Variants in ANO3 observed in about 807,000 individuals in gnomAD.
The protein encoded by ANO3 is anoctamin 3, also known as anoctamin-3.
A neutral mutation model predicts 144.8 loss-of-function variants in ANO3; 99 were observed. That is an observed-to-expected ratio of 0.68 (90% CI 0.58 to 0.81). The LOEUF is 0.81. Among genes scored for constraint, ANO3 ranks in the 30% least tolerant of loss-of-function variants. The pLI is 0.00. For synonymous variants in ANO3, 414 were observed against 392.6 expected (o/e 1.05, Z -0.64); for missense variants, 905 against 1,202.2 (o/e 0.75, Z 3.66).
Position 26,624,491 on chromosome 11 carries a change from C to T in ANO3, c.1866C>T (p.Thr622=). The part of the protein sequence containing the change: ...LAYEKIAYLL[T]NLEYPRTESE... ...ATGAAAAAATTGCTTACCTCCTCAC[C>T]AATTTAGGTAAGTCCATTTTTCTTA... Residue 622 remains threonine (T), a synonymous_variant, in exon 18 of 27, where the codon ACC becomes ACT. Transcript: ENST00000256737. 1.9e-6 allele frequency: 3 copies of T among 1,604,042 alleles called. No individual in the cohort carries two copies. Among genetic ancestry groups the T allele is most frequent in the Non-Finnish European group, 2.6e-6 (3 of 1,171,816 alleles).
At chr11:26,523,115 A>G (rs2134163389) in intron 6 of ANO3, among the ~76,000 whole-genome samples, 1 of 152,312 alleles carries the variant, frequency 6.6e-6, no homozygotes, top group South Asian at 2.1e-4. Flanking sequence ...GTAGAGAAGA[A>G]ATGAAGAAGG....
chr11:26,258,784 T>C (rs1325539584), intron 1 of ANO3, among the ~76,000 whole-genome samples: 1 of 152,202 alleles, frequency 6.6e-6, no homozygotes, highest in African/African-American at 2.4e-5. Flanking sequence ...CTAAAATTAA[T>C]GTCCAAAGAA....
chr11:26,298,598 T>G (rs547679886), intron 1 of ANO3, among the ~76,000 whole-genome samples: 1 of 152,312 alleles, frequency 6.6e-6, no homozygotes, highest in African/African-American at 2.4e-5. Flanking sequence ...ATGAAAGGTT[T>G]TAAACAAAGG....
intron 1 of ANO3, among the ~76,000 whole-genome samples, chr11:26,420,579 C>A (rs2126183): frequency 6.6e-6 from 1 of 151,810 alleles, no homozygotes; most frequent in South Asian, 2.1e-4. Context: ...CTGTCTGTGC[C>A]GGTCTATTGT....
At chr11:26,557,201 C>A (rs1466692948) in intron 13 of ANO3, among the ~76,000 whole-genome samples, 1 of 152,116 alleles carries the variant, frequency 6.6e-6, no homozygotes, top group Non-Finnish European at 1.5e-5. Flanking sequence ...GTGGCTCACA[C>A]CAGTAATCCC....
At chr11:26,536,256 T>C (rs1849506456) in intron 9 of ANO3, among the ~76,000 whole-genome samples, 1 of 151,348 alleles carries the variant, frequency 6.6e-6, no homozygotes, top group Non-Finnish European at 1.5e-5. Context: ...GAAGTGAAGG[T>C]TGCAGTGAGC....
At position 26,537,388 on chromosome 11, in the gene ANO3, C is replaced by CT; in HGVS notation, c.977-14dup. 6.2e-7 allele frequency: 1 copy of CT among 1,601,500 alleles called. No homozygotes were observed. Among genetic ancestry groups the CT allele is most frequent in the South Asian group, 1.1e-5 (1 of 90,866 alleles). ...CATTGAAACTAACTCAATAACTGTC[C>CT]TTTTCTTCTCTTTGCAGGTATCCGT... On this transcript the variant is annotated splice_polypyrimidine_tract_variant and intron_variant, in intron 9 of 26. Coordinates refer to ENST00000256737, the MANE Select transcript of ANO3 (RefSeq NM_031418.4).
chr11:26,431,870 G>T (rs931557408), intron 1 of ANO3, among the ~76,000 whole-genome samples: 1 of 152,076 alleles, frequency 6.6e-6, no homozygotes, highest in African/African-American at 2.4e-5. Context: ...GAACATTCAC[G>T]TGCATGTGTC....
intron 1 of ANO3, among the ~76,000 whole-genome samples, chr11:26,274,991 T>C (rs1183161226): frequency 6.6e-6 from 1 of 151,954 alleles, no homozygotes; most frequent in Non-Finnish European, 1.5e-5. Flanking sequence ...ACTAATTTCA[T>C]TACTCAAAAA....
At chr11:26,629,821 G>C (rs1852717989) in intron 18 of ANO3, among the ~76,000 whole-genome samples, 1 of 152,072 alleles carries the variant, frequency 6.6e-6, no homozygotes. Flanking sequence ...AGTAGAGACA[G>C]GGTTTCTCCA....
chr11:26,442,227 C>A, intron 2 of ANO3, 115 bp downstream of exon 2: 1 of 1,046,840 alleles, frequency 9.6e-7, no homozygotes, highest in Non-Finnish European at 1.4e-6. Context: ...AGGAAGGAGG[C>A]TGGCATAGAA....
upstream of ANO3, among the ~76,000 whole-genome samples, chr11:26,328,180 C>T (rs144703906): frequency 1.6e-4 from 24 of 152,270 alleles, no homozygotes; most frequent in African/African-American, 5.1e-4. Flanking sequence ...GAATGCTACT[C>T]GGAGCATATA....
intron 1 of ANO3, among the ~76,000 whole-genome samples, chr11:26,224,332 G>A (rs1350556768): frequency 6.6e-6 from 1 of 152,204 alleles, no homozygotes; most frequent in Non-Finnish European, 1.5e-5. Flanking sequence ...CAGTGTGTCT[G>A]TCTGCCAGGC....
At chr11:26,204,325 G>C (rs141237771) in intron 1 of ANO3, among the ~76,000 whole-genome samples, 4 of 150,022 alleles carry the variant, frequency 2.7e-5, no homozygotes, top group Non-Finnish European at 6.0e-5. Flanking sequence ...TTATCCCCCA[G>C]GACAACACAG....
At chr11:26,347,350 A>G (rs1328619986) in intron 1 of ANO3, among the ~76,000 whole-genome samples, 2 of 152,234 alleles carry the variant, frequency 1.3e-5, no homozygotes, top group African/African-American at 2.4e-5. Flanking sequence ...TATCAAAACT[A>G]TTAATCCAAT....
chr11:26,338,143 A>T (rs928705226), intron 1 of ANO3, among the ~76,000 whole-genome samples: 4 of 151,584 alleles, frequency 2.6e-5, no homozygotes, highest in African/African-American at 9.7e-5. Flanking sequence ...CAAAAACAAC[A>T]GTAGAAGCTA....
intron 1 of ANO3, among the ~76,000 whole-genome samples, chr11:26,225,297 ATAC>A (rs1446580680): frequency 3.3e-5 from 5 of 152,098 alleles, no homozygotes; most frequent in Non-Finnish European, 7.4e-5. Context: ...AGAAATAATA[ATAC>A]AAGATTATAA....
intron 4 of ANO3, among the ~76,000 whole-genome samples, chr11:26,482,527 G>C (rs1341528110): frequency 6.6e-6 from 1 of 151,590 alleles, no homozygotes; most frequent in East Asian, 1.9e-4. Flanking sequence ...TTTCACCTCT[G>C]TGTAAGGGAA....
intron 6 of ANO3, among the ~76,000 whole-genome samples, chr11:26,524,599 T>A (rs1849116975): frequency 6.6e-6 from 1 of 152,196 alleles, no homozygotes; most frequent in South Asian, 2.1e-4. Flanking sequence ...AGAGCGAGAA[T>A]ATCAGATTCC....
Sources: allele counts gnomAD v4.1 joint callset (sites outside exome capture counted in the v4.1 genomes callset), GRCh38; gene constraint gnomAD v4.1.1; transcripts MANE v1.5; gene names NCBI Gene and HGNC (gene_info 2026-07-23, HGNC 2026-07-21).